The following ARID2 variants were observed in gnomAD, a reference collection of about 807,000 sequenced individuals.
ARID2 encodes the protein AT-rich interactive domain-containing protein 2.
In ARID2, 32 loss-of-function variants were observed where a neutral mutation model predicts 184.6. The observed-to-expected ratio is 0.17, with a 90% CI of 0.13 to 0.23. The LOEUF is 0.23. Among genes scored for constraint, ARID2 ranks in the 10% least tolerant of loss-of-function variants. The pLI is 1.00. For missense variants in ARID2, 1,696 were observed against 2,197.6 expected (o/e 0.77, Z 4.56); for synonymous variants, 836 against 772.6 (o/e 1.08, Z -1.36).
intron 16 of ARID2, among the ~76,000 whole-genome samples, chr12:45,876,437 C>T (rs1441026381): frequency 1.3e-5 from 2 of 152,044 alleles, no homozygotes; most frequent in African/African-American, 4.8e-5. Context: ...GTAATCCCAG[C>T]TAGTAGGGAG....
chr12:45,753,586 C>A (rs994112866), intron 3 of ARID2, among the ~76,000 whole-genome samples: 6 of 152,086 alleles, frequency 3.9e-5, no homozygotes, highest in African/African-American at 1.4e-4. Context: ...TGTAATTGAT[C>A]TAAAACATAA....
chr12:45,822,112 T>C (rs35763453), intron 6 of ARID2, among the ~76,000 whole-genome samples: 5,464 of 152,306 alleles, frequency 0.036, 146 homozygotes, highest in Non-Finnish European at 0.057. Context: ...ACACCTTTTC[T>C]TTAAAACTCA....
At chr12:45,735,858 C>G (rs1335616907) in intron 3 of ARID2, among the ~76,000 whole-genome samples, 2 of 152,082 alleles carry the variant, frequency 1.3e-5, no homozygotes, top group Non-Finnish European at 2.9e-5. Flanking sequence ...ACTGAGGTTA[C>G]AAATTTTCCT....
rs528826855 is a variant in ARID2 at position 45,759,605 on chromosome 12, G to A, written c.284+28291G>A. Among the ~76,000 whole-genome samples, 13 of 152,144 alleles carry A rather than the reference G, an allele frequency of 8.5e-5. No homozygotes were observed. The South Asian group carries it at 1.5e-3, about 17-fold the overall frequency. On this transcript the variant is annotated intron_variant, in intron 3 of 20. Transcript: ENST00000334344. Reference sequence around the variant, plus strand: ...AAAATATGTATATTCAGCTATGTCCGTTCGTTTTTTTAGATCTCATATCTC... The same window carrying A: ...AAAATATGTATATTCAGCTATGTCCATTCGTTTTTTTAGATCTCATATCTC...
chr12:45,855,658 G>A (rs1249351552), intron 15 of ARID2, among the ~76,000 whole-genome samples: 1 of 152,174 alleles, frequency 6.6e-6, no homozygotes, highest in East Asian at 1.9e-4. Flanking sequence ...TGGGCCTTCT[G>A]AAAAGCATGC....
At chr12:45,780,828 C>T (rs1296951100) in intron 3 of ARID2, among the ~76,000 whole-genome samples, 1 of 152,064 alleles carries the variant, frequency 6.6e-6, no homozygotes, top group African/African-American at 2.4e-5. Context: ...CTATGTTGGC[C>T]AGGCTGTTCT....
intron 4 of ARID2, among the ~76,000 whole-genome samples, 182 bp from the exon 5 acceptor site, chr12:45,817,488 A>G (rs1034290844): frequency 7.0e-6 from 1 of 141,966 alleles, no homozygotes; most frequent in Non-Finnish European, 1.6e-5. Flanking sequence ...TAAACCTAAG[A>G]AGTTTTAAAA....
intron 16 of ARID2, among the ~76,000 whole-genome samples, chr12:45,861,177 G>A (rs998776599): frequency 2.6e-5 from 4 of 152,040 alleles, no homozygotes; most frequent in African/African-American, 7.2e-5. Context: ...TAGAGAATAC[G>A]GTTCAATATT....
At chr12:45,815,774 A>G (rs1367772483) in intron 4 of ARID2, among the ~76,000 whole-genome samples, 2 of 152,134 alleles carry the variant, frequency 1.3e-5, no homozygotes, top group East Asian at 3.8e-4. Flanking sequence ...CAATCCTCCC[A>G]GCTCAGCCTT....
intron 6 of ARID2, among the ~76,000 whole-genome samples, chr12:45,824,140 TACATC>T: frequency 6.6e-6 from 1 of 152,234 alleles, no homozygotes; most frequent in Middle Eastern, 3.4e-3. Flanking sequence ...ATAAATGTGA[TACATC>T]ACATCAACAG....
intron 16 of ARID2, among the ~76,000 whole-genome samples, chr12:45,877,669 G>A (rs544242864): frequency 1.6e-4 from 24 of 152,092 alleles, no homozygotes; most frequent in Admixed American, 9.8e-4. Flanking sequence ...GTTGGTGACC[G>A]TTGCCTTATA....
At chr12:45,767,779 A>G (rs1941799718) in intron 3 of ARID2, among the ~76,000 whole-genome samples, 1 of 152,242 alleles carries the variant, frequency 6.6e-6, no homozygotes, top group Admixed American at 6.5e-5. Flanking sequence ...GAGGAAAAAA[A>G]TCTACTTCAC....
At chr12:45,733,619 C>T (rs1040131080) in intron 3 of ARID2, among the ~76,000 whole-genome samples, 6 of 152,274 alleles carry the variant, frequency 3.9e-5, no homozygotes, top group Non-Finnish European at 8.8e-5. Context: ...TTAATATTTG[C>T]TCACATTCCC....
chr12:45,861,890 A>G (rs142407057), intron 16 of ARID2, among the ~76,000 whole-genome samples: 2,248 of 151,988 alleles, frequency 0.015, 198 homozygotes, highest in Admixed American at 0.13. Flanking sequence ...GTTTTAATAG[A>G]CATAACACTG....
intron 15 of ARID2, 48 bp from the exon 16 acceptor site, chr12:45,860,753 A>T (rs1943729505): frequency 1.4e-6 from 2 of 1,397,692 alleles, no homozygotes; most frequent in Non-Finnish European, 1.9e-6. Context: ...TAAAATATGA[A>T]TTTTTTCAGT....
chr12:45,759,349 A>C (rs1941632116), intron 3 of ARID2, among the ~76,000 whole-genome samples: 1 of 152,196 alleles, frequency 6.6e-6, no homozygotes, highest in Non-Finnish European at 1.5e-5. Flanking sequence ...TTTGGCATGC[A>C]GATACTTGAT....
rs907729707 is a variant in ARID2 at position 45,850,104 on chromosome 12, A to G, written c.1981A>G (p.Asn661Asp). Residue 661 changes from asparagine (N) to aspartate (D), a missense_variant, in exon 15 of 21, where the codon AAT becomes GAT. By Grantham distance (23) the Asn-to-Asp change is conservative. Coordinates refer to ENST00000334344, the MANE Select transcript of ARID2 (RefSeq NM_152641.4). ...GACTCCTGTTGCCAACCAATCTTCAAATCTGACTGCAACACAAATGTCTTT... is the reference window on the plus strand; with the variant it reads ...GACTCCTGTTGCCAACCAATCTTCAGATCTGACTGCAACACAAATGTCTTT... Reference protein sequence around the residue: ...QRTPVANQSSNLTATQMSFPV... With the variant: ...QRTPVANQSSDLTATQMSFPV... 1 of 1,614,062 alleles carries G rather than the reference A, an allele frequency of 6.2e-7. No homozygotes were observed.
intron 3 of ARID2, among the ~76,000 whole-genome samples, chr12:45,796,286 CAT>C (rs1942392280): frequency 6.6e-6 from 1 of 151,710 alleles, no homozygotes; most frequent in Non-Finnish European, 1.5e-5. Flanking sequence ...AATATTTTTA[CAT>C]GTTATTAAGT....
At chr12:45,760,810 G>A (rs1333360386) in intron 3 of ARID2, among the ~76,000 whole-genome samples, 6 of 151,462 alleles carry the variant, frequency 4.0e-5, no homozygotes, top group African/African-American at 1.5e-4. Flanking sequence ...AGCTTTGCTG[G>A]ATCCTGGTTT....
Sources: gnomAD v4.1 joint callset for allele counts (sites outside exome capture counted in the v4.1 genomes callset) on GRCh38, gnomAD v4.1.1 for gene constraint, MANE v1.5 for transcripts, NCBI Gene and HGNC (gene_info 2026-07-23, HGNC 2026-07-21) for gene names.